The following ARFIP1 variants were observed in gnomAD, a reference collection of about 807,000 sequenced individuals.
ARFIP1 encodes arfaptin-1.
A neutral mutation model predicts 42.5 loss-of-function variants in ARFIP1; 24 were observed. That is an observed-to-expected ratio of 0.57 (90% CI 0.41 to 0.80). The LOEUF (loss-of-function observed/expected upper bound fraction) is 0.80. Ranked by LOEUF, ARFIP1 falls within the 30% of genes least tolerant of loss-of-function variation. ARFIP1 has a pLI of 0.00. For missense variants in ARFIP1, 354 were observed against 434.0 expected (o/e 0.82, Z 1.64); for synonymous variants, 141 against 153.7 (o/e 0.92, Z 0.61).
At chr4:152,788,780 T>C (rs1355615877) in intron 1 of ARFIP1, among the ~76,000 whole-genome samples, 1 of 151,064 alleles carries the variant, frequency 6.6e-6, no homozygotes, top group Non-Finnish European at 1.5e-5. Flanking sequence ...TTATTCAGAT[T>C]ACCTCACTTT....
intron 8 of ARFIP1, among the ~76,000 whole-genome samples, chr4:152,902,533 A>G (rs1737931261): frequency 6.6e-6 from 1 of 152,164 alleles, no homozygotes; most frequent in South Asian, 2.1e-4. Flanking sequence ...GAGACTAAAC[A>G]GAGTAGATAT....
At chr4:152,865,392 C>T (rs1734244445) in intron 3 of ARFIP1, among the ~76,000 whole-genome samples, 1 of 152,196 alleles carries the variant, frequency 6.6e-6, no homozygotes, top group Non-Finnish European at 1.5e-5. Flanking sequence ...CTGCCTGGGC[C>T]TCCCAAAGTG....
chr4:152,893,572 C>G (rs2149902428), intron 8 of ARFIP1, among the ~76,000 whole-genome samples: 1 of 152,024 alleles, frequency 6.6e-6, no homozygotes, highest in South Asian at 2.1e-4. Context: ...TCAGAAGATT[C>G]AACAAAGCAG....
At chr4:152,866,441 G>T (rs1310590604) in intron 3 of ARFIP1, among the ~76,000 whole-genome samples, 1 of 152,062 alleles carries the variant, frequency 6.6e-6, no homozygotes, top group Non-Finnish European at 1.5e-5. Context: ...CCCAGTAGGG[G>T]CGGCCGGGCA....
chr4:152,882,381 T>C (rs980045912), intron 6 of ARFIP1, among the ~76,000 whole-genome samples: 4 of 152,212 alleles, frequency 2.6e-5, no homozygotes, highest in Non-Finnish European at 2.9e-5. Flanking sequence ...GTTTCTCTGA[T>C]TAATAATCTG....
chr4:152,818,102 C>T (rs1730053651), intron 1 of ARFIP1, among the ~76,000 whole-genome samples: 2 of 152,188 alleles, frequency 1.3e-5, no homozygotes, highest in East Asian at 1.9e-4. Context: ...AGACTGGAGA[C>T]ATTGTTAGCA....
intron 8 of ARFIP1, among the ~76,000 whole-genome samples, chr4:152,898,948 A>C (rs113974866): frequency 6.6e-6 from 1 of 152,192 alleles, no homozygotes; most frequent in African/African-American, 2.4e-5. Flanking sequence ...AGGCTTTTCC[A>C]TTGGATGGGC....
At chr4:152,804,124 T>C (rs1274529616) in intron 1 of ARFIP1, among the ~76,000 whole-genome samples, 3 of 116,566 alleles carry the variant, frequency 2.6e-5, no homozygotes, top group Non-Finnish European at 5.1e-5. Context: ...ACATGTATTA[T>C]ATATTATATA....
At chr4:152,796,635 A>T (rs1410113772) in intron 1 of ARFIP1, 3 of 883,788 alleles carry the variant, frequency 3.4e-6, no homozygotes, top group Non-Finnish European at 5.6e-6. Context: ...TTCTCTTTTC[A>T]TGCATCTTGA....
chr4:152,865,131 T>C (rs1734219686), intron 3 of ARFIP1, among the ~76,000 whole-genome samples: 1 of 151,180 alleles, frequency 6.6e-6, no homozygotes, highest in Non-Finnish European at 1.5e-5. Flanking sequence ...ATGCAGATAT[T>C]AGTATTCTGT....
At chr4:152,801,408 G>T (rs1416257211) in intron 1 of ARFIP1, among the ~76,000 whole-genome samples, 1 of 152,156 alleles carries the variant, frequency 6.6e-6, no homozygotes, top group Non-Finnish European at 1.5e-5. Flanking sequence ...TCTGTGGGTA[G>T]AACTGCCTGT....
intron 5 of ARFIP1, among the ~76,000 whole-genome samples, chr4:152,875,799 G>A (rs1260005787): frequency 6.6e-6 from 1 of 151,386 alleles, no homozygotes; most frequent in East Asian, 1.9e-4. Context: ...CTCAACTCCA[G>A]TTGTATCTCC....
intron 1 of ARFIP1, among the ~76,000 whole-genome samples, chr4:152,814,960 T>G (rs1269770343): frequency 6.6e-6 from 1 of 152,206 alleles, no homozygotes; most frequent in African/African-American, 2.4e-5. Flanking sequence ...AGTTTTGTAG[T>G]TGCATTCTTG....
intron 8 of ARFIP1, among the ~76,000 whole-genome samples, chr4:152,908,765 G>A (rs942027362): frequency 8.5e-5 from 13 of 152,062 alleles, no homozygotes; most frequent in African/African-American, 3.1e-4. Context: ...GATTGCCCTT[G>A]AAGCGCTCCC....
chr4:152,805,728 TTA>T (rs1173693306), intron 1 of ARFIP1, among the ~76,000 whole-genome samples: 1 of 152,190 alleles, frequency 6.6e-6, no homozygotes, highest in Non-Finnish European at 1.5e-5. Context: ...TCTAAATACT[TTA>T]TGTTTTTATT....
At chr4:152,811,548 T>C (rs980337308) in intron 1 of ARFIP1, among the ~76,000 whole-genome samples, 4 of 152,332 alleles carry the variant, frequency 2.6e-5, no homozygotes, top group Non-Finnish European at 5.9e-5. Flanking sequence ...ACATTTCATG[T>C]TCCAGAAATG....
chr4:152,905,545 G>GTTTTTTGTTT (rs1738254442), intron 8 of ARFIP1, among the ~76,000 whole-genome samples: 1 of 30,372 alleles, frequency 3.3e-5, no homozygotes, highest in African/African-American at 1.2e-4. Flanking sequence ...TGTAAGAATT[G>GTTTTTTGTTT]TTTTTTTTTT....
intron 1 of ARFIP1, among the ~76,000 whole-genome samples, chr4:152,797,947 C>T (rs1731569529): frequency 2.6e-5 from 4 of 152,200 alleles, no homozygotes; most frequent in East Asian, 1.9e-4. Context: ...GCTAATACCG[C>T]TGGTATGATG....
At chr4:152,872,643 C>A in intron 5 of ARFIP1, 79 bp downstream of exon 5, 1 of 682,370 alleles carries the variant, frequency 1.5e-6, no homozygotes, top group South Asian at 2.2e-5. Flanking sequence ...CATTATGTTG[C>A]AATTAAATGC....
Sources: gnomAD v4.1 joint callset for allele counts (sites outside exome capture counted in the v4.1 genomes callset) on GRCh38, gnomAD v4.1.1 for gene constraint, MANE v1.5 for transcripts, NCBI Gene and HGNC (gene_info 2026-07-23, HGNC 2026-07-21) for gene names.